The following GRIA1 variants were observed in gnomAD, a reference collection of about 807,000 sequenced individuals.
The protein encoded by GRIA1 is glutamate ionotropic receptor AMPA type subunit 1.
GRIA1 carries 31 observed loss-of-function variants against 99.2 expected under a neutral mutation model. The observed-to-expected ratio is 0.31, with a 90% CI of 0.23 to 0.42. The LOEUF (loss-of-function observed/expected upper bound fraction) is 0.42, where lower values mean the gene tolerates loss of function less well. GRIA1 is among the 10% of genes least tolerant of loss of function. The pLI is 1.00. For missense variants in GRIA1, 782 were observed against 1,157.5 expected (o/e 0.68, Z 4.71); for synonymous variants, 438 against 432.4 (o/e 1.01, Z -0.16).
chr5:153,756,477 C>T (rs1478374621), intron 11 of GRIA1, among the ~76,000 whole-genome samples: 1 of 152,206 alleles, frequency 6.6e-6, no homozygotes, highest in African/African-American at 2.4e-5. Context: ...GTCTGCAACA[C>T]TGTAGGCAGG....
At chr5:153,672,539 C>T (rs1403526493) in intron 5 of GRIA1, among the ~76,000 whole-genome samples, 1 of 151,516 alleles carries the variant, frequency 6.6e-6, no homozygotes, top group Non-Finnish European at 1.5e-5. Context: ...AGGACAAAAG[C>T]TCTGAGTGTG....
intron 2 of GRIA1, among the ~76,000 whole-genome samples, chr5:153,537,057 G>A (rs1475500346): frequency 1.3e-5 from 2 of 152,170 alleles, no homozygotes; most frequent in South Asian, 2.1e-4. Flanking sequence ...GGCCTAGTTG[G>A]TGGCCAGGGA....
At chr5:153,706,339 G>A (rs1758896352) in intron 11 of GRIA1, among the ~76,000 whole-genome samples, 1 of 152,196 alleles carries the variant, frequency 6.6e-6, no homozygotes, top group Admixed American at 6.5e-5. Context: ...TAGCTGAAAG[G>A]TACAGAGGAA....
At chr5:153,566,304 C>CTTTTTTT (rs55872840) in intron 2 of GRIA1, among the ~76,000 whole-genome samples, 4,749 of 36,454 alleles carry the variant, frequency 0.13, 1,563 homozygotes, top group Admixed American at 0.32. Flanking sequence ...AATTCCCTGC[C>CTTTTTTT]TTTTTTTTTT....
chr5:153,533,159 A>G (rs1431353446), intron 2 of GRIA1, among the ~76,000 whole-genome samples: 4 of 152,168 alleles, frequency 2.6e-5, no homozygotes, highest in Non-Finnish European at 5.9e-5. Context: ...TGCAGCTCCA[A>G]AGTTCTGTGA....
intron 14 of GRIA1, 62 bp downstream of exon 14, chr5:153,794,797 C>T (rs1029208692): frequency 3.0e-5 from 28 of 939,386 alleles, no homozygotes; most frequent in Non-Finnish European, 4.8e-5. Context: ...TGGTAACCAG[C>T]AACTGTTCTC....
intron 2 of GRIA1, among the ~76,000 whole-genome samples, chr5:153,547,885 G>A (rs1581210999): frequency 6.6e-6 from 1 of 152,106 alleles, no homozygotes; most frequent in Admixed American, 6.5e-5. Context: ...GAGGTGACCA[G>A]GAGTCAGGTA....
intron 2 of GRIA1, among the ~76,000 whole-genome samples, chr5:153,639,910 A>G (rs1753669681): frequency 6.6e-6 from 1 of 152,256 alleles, no homozygotes. Flanking sequence ...AAACAAAAAA[A>G]GTTTGAGAAA....
intron 5 of GRIA1, among the ~76,000 whole-genome samples, chr5:153,673,972 G>T (rs1171317620): frequency 6.6e-6 from 1 of 152,212 alleles, no homozygotes; most frequent in African/African-American, 2.4e-5. Context: ...CCACAGACTT[G>T]CTGGTGTCCT....
chr5:153,524,057 G>T (rs976802528), intron 2 of GRIA1, among the ~76,000 whole-genome samples: 1 of 152,228 alleles, frequency 6.6e-6, no homozygotes, highest in African/African-American at 2.4e-5. Context: ...GCCAGGCGCA[G>T]TGGCTCACGC....
intron 2 of GRIA1, among the ~76,000 whole-genome samples, chr5:153,579,522 C>A (rs17519446): frequency 6.6e-6 from 1 of 152,008 alleles, no homozygotes; most frequent in Non-Finnish European, 1.5e-5. Context: ...TAGTCATAGG[C>A]CCCCCGTTAC....
At chr5:153,493,356 G>A (rs3811984) in intron 1 of GRIA1, among the ~76,000 whole-genome samples, 19,062 of 152,150 alleles carry the variant, frequency 0.13, 2,381 homozygotes, top group East Asian at 0.59. Flanking sequence ...ATAAACCTTA[G>A]GGGCAATAGA....
At chr5:153,703,885 T>A (rs1201274899) in intron 10 of GRIA1, among the ~76,000 whole-genome samples, 3 of 152,212 alleles carry the variant, frequency 2.0e-5, no homozygotes, top group African/African-American at 4.8e-5. Context: ...TAACTTGTGG[T>A]CAATCCCTCC....
chr5:153,664,942 G>A (rs1755637415), intron 5 of GRIA1, among the ~76,000 whole-genome samples: 1 of 152,216 alleles, frequency 6.6e-6, no homozygotes, highest in Non-Finnish European at 1.5e-5. Context: ...AGATAGGAAG[G>A]TTTTGATCAT....
At chr5:153,753,687 C>A (rs1762635536) in intron 11 of GRIA1, among the ~76,000 whole-genome samples, 1 of 138,950 alleles carries the variant, frequency 7.2e-6, no homozygotes, top group Admixed American at 7.6e-5. Flanking sequence ...TAAGTTATAG[C>A]CAATTCTGCA....
intron 4 of GRIA1, among the ~76,000 whole-genome samples, chr5:153,653,388 G>A (rs1415657027): frequency 6.6e-6 from 1 of 152,184 alleles, no homozygotes; most frequent in Non-Finnish European, 1.5e-5. Flanking sequence ...GGAGAGGATG[G>A]CAGGAAGATA....
chr5:153,801,100 G>A (rs1185819640), intron 14 of GRIA1, among the ~76,000 whole-genome samples: 1 of 152,268 alleles, frequency 6.6e-6, no homozygotes, highest in Admixed American at 6.5e-5. Context: ...AGTTAAAGAT[G>A]TTCTTTTGCC....
intron 2 of GRIA1, among the ~76,000 whole-genome samples, chr5:153,567,404 G>A (rs955814906): frequency 6.6e-6 from 1 of 152,192 alleles, no homozygotes; most frequent in East Asian, 1.9e-4. Flanking sequence ...GGCAGCTTTA[G>A]GTAGATTCAC....
intron 11 of GRIA1, among the ~76,000 whole-genome samples, chr5:153,732,740 G>A (rs1761128699): frequency 6.6e-6 from 1 of 151,916 alleles, no homozygotes; most frequent in South Asian, 2.1e-4. Flanking sequence ...AGACTTGCTT[G>A]TTAATTTGTG....
Sources: gnomAD v4.1 joint callset for allele counts (sites outside exome capture counted in the v4.1 genomes callset) on GRCh38, gnomAD v4.1.1 for gene constraint, MANE v1.5 for transcripts, NCBI Gene and HGNC (gene_info 2026-07-23, HGNC 2026-07-21) for gene names.